The following JAM3 variants were observed in gnomAD, a reference collection of about 807,000 sequenced individuals.
The protein encoded by JAM3 is junctional adhesion molecule 3, also known as junctional adhesion molecule C.
JAM3 carries 31 observed loss-of-function variants against 39.4 expected under a neutral mutation model. That is an observed-to-expected ratio of 0.79 (90% confidence interval 0.59 to 1.06). The LOEUF is 1.06. JAM3 is among the 50% of genes least tolerant of loss of function. The probability of loss-of-function intolerance (pLI) is 0.00; values close to 1 mark genes in which losing one functional copy is unlikely to be tolerated. For synonymous variants in JAM3, 182 were observed against 148.7 expected (o/e 1.22, Z -1.63); for missense variants, 455 against 391.4 (o/e 1.16, Z -1.37).
chr11:134,123,827 C>G (rs1373628971), intron 1 of JAM3: 33 of 775,132 alleles, frequency 4.3e-5, no homozygotes, highest in Non-Finnish European at 1.4e-5. Context: ...TTTCTTTCTA[C>G]TGAACACAGC....
intron 1 of JAM3, chr11:134,126,286 C>T (rs1942647273): frequency 6.6e-6 from 1 of 152,216 alleles, no homozygotes; most frequent in Admixed American, 6.5e-5. Context: ...TGCTGAGGCT[C>T]TCTAAACAAA....
intron 1 of JAM3, among the ~76,000 whole-genome samples, chr11:134,094,923 A>G (rs567098967): frequency 6.6e-6 from 1 of 152,378 alleles, no homozygotes; most frequent in South Asian, 2.1e-4. Flanking sequence ...AAATGACTGA[A>G]TATATTAATA....
chr11:134,091,093 G>A (rs749136854), intron 1 of JAM3, among the ~76,000 whole-genome samples: 4 of 152,186 alleles, frequency 2.6e-5, no homozygotes, highest in Non-Finnish European at 5.9e-5. Context: ...CATTTGAAAT[G>A]TGATGGAACT....
intron 1 of JAM3, among the ~76,000 whole-genome samples, chr11:134,112,396 A>C (rs1942331068): frequency 6.6e-6 from 1 of 152,112 alleles, no homozygotes; most frequent in Non-Finnish European, 1.5e-5. Flanking sequence ...CCAGTCAATC[A>C]ATTTAAAATG....
At chr11:134,120,954 C>T (rs1160582147) in intron 1 of JAM3, among the ~76,000 whole-genome samples, 1 of 152,168 alleles carries the variant, frequency 6.6e-6, no homozygotes, top group African/African-American at 2.4e-5. Flanking sequence ...CAGAATAGTA[C>T]AGGAAAGCAG....
intron 1 of JAM3, among the ~76,000 whole-genome samples, chr11:134,134,415 A>C (rs952657930): frequency 4.6e-5 from 7 of 151,524 alleles, no homozygotes; most frequent in East Asian, 1.9e-4. Flanking sequence ...AAAAAAAAAA[A>C]AAAAAAACAT....
chr11:134,078,150 C>T lies in JAM3; in HGVS notation c.76+8991C>T, dbSNP rs937571506. Among the ~76,000 whole-genome samples the T allele has an allele frequency of 2.0e-5, 3 of 152,038 alleles. No individual in the cohort carries two copies. In the South Asian group the frequency reaches 6.3e-4, roughly 32 times the overall value. The stretch of plus-strand genomic sequence containing the variant: ...TTTGTTTGTTTTTAAGCTGGAGTCT[C>T]GCTCTGTTGCCCAGGCTGGAGGGCA... On this transcript the variant is annotated intron_variant, in intron 1 of 8. Transcript: ENST00000299106.
At chr11:134,144,135 C>T in intron 3 of JAM3, 106 bp from the exon 4 acceptor site, 1 of 1,036,612 alleles carries the variant, frequency 9.6e-7, no homozygotes, top group East Asian at 2.4e-5. Context: ...TATTGATCTG[C>T]AGGCTTCCTT....
At chr11:134,105,822 G>C (rs947932132) in intron 1 of JAM3, among the ~76,000 whole-genome samples, 17 of 152,058 alleles carry the variant, frequency 1.1e-4, no homozygotes, top group Admixed American at 3.9e-4. Context: ...AGGAGAACTA[G>C]AAACCACTGC....
At chr11:134,096,039 C>T (rs1941976049) in intron 1 of JAM3, among the ~76,000 whole-genome samples, 2 of 152,096 alleles carry the variant, frequency 1.3e-5, no homozygotes, top group Admixed American at 6.5e-5. Flanking sequence ...TGCAGTAGTG[C>T]GATCTTGGCC....
Position 134,149,272 on chromosome 11 carries a change from G to C in JAM3, c.*91G>C. The stretch of plus-strand genomic sequence containing the variant: ...AAGGCAGCGAGAGCTGATGCACTCG[G>C]ACAGAGCTAGACACTCATTCAGAAG... On this transcript the variant is annotated 3_prime_UTR_variant, in exon 9 of 9. Coordinates refer to ENST00000299106, the MANE Select transcript of JAM3 (RefSeq NM_032801.5). The C allele has an allele frequency of 7.0e-7, 1 of 1,436,068 alleles. No homozygotes were observed. Among genetic ancestry groups the C allele is most frequent in the Non-Finnish European group, 9.7e-7 (1 of 1,026,016 alleles). 89.0% of individuals were successfully genotyped at this position (1,436,068 alleles called of 1,614,324 possible).
chr11:134,101,347 CT>C (rs916023332), intron 1 of JAM3, among the ~76,000 whole-genome samples: 1 of 152,112 alleles, frequency 6.6e-6, no homozygotes, highest in African/African-American at 2.4e-5. Flanking sequence ...AGGAGGACAG[CT>C]ATTTAACTAT....
intron 1 of JAM3, among the ~76,000 whole-genome samples, chr11:134,107,895 A>G (rs1365204118): frequency 6.6e-6 from 1 of 152,096 alleles, no homozygotes; most frequent in Non-Finnish European, 1.5e-5. Context: ...AATAGGAAAA[A>G]AAATCAGAAA....
intron 1 of JAM3, among the ~76,000 whole-genome samples, chr11:134,099,117 C>G (rs907389721): frequency 1.4e-4 from 22 of 152,240 alleles, no homozygotes; most frequent in South Asian, 4.2e-4. Context: ...GGGAGGATTA[C>G]CTGAGCCTGG....
chr11:134,124,260 G>C (rs1942595900), intron 1 of JAM3: 2 of 1,051,288 alleles, frequency 1.9e-6, no homozygotes, highest in Admixed American at 3.4e-5. Flanking sequence ...AGTAGCACTG[G>C]TAGGGTTGTG....
At chr11:134,103,906 TAATG>T (rs755585976) in intron 1 of JAM3, among the ~76,000 whole-genome samples, 19 of 152,108 alleles carry the variant, frequency 1.2e-4, no homozygotes, top group Non-Finnish European at 2.8e-4. Flanking sequence ...CACACAATAA[TAATG>T]GGAGACTTTA....
chr11:134,083,770 C>T (rs1235652995), intron 1 of JAM3, among the ~76,000 whole-genome samples: 1 of 152,144 alleles, frequency 6.6e-6, no homozygotes, highest in Admixed American at 6.5e-5. Context: ...TTCTATACCT[C>T]CTCTGTAGTG....
At chr11:134,110,447 A>G (rs1416206391) in intron 1 of JAM3, among the ~76,000 whole-genome samples, 1 of 152,264 alleles carries the variant, frequency 6.6e-6, no homozygotes, top group East Asian at 1.9e-4. Flanking sequence ...TAAATGGAAT[A>G]TGACTATTCA....
intron 1 of JAM3, among the ~76,000 whole-genome samples, chr11:134,105,837 C>T (rs1046220620): frequency 6.6e-5 from 10 of 152,072 alleles, no homozygotes; most frequent in Admixed American, 1.3e-4. Context: ...CACTGCTCAA[C>T]GAAATAAAAG....
Sources: gnomAD v4.1 joint callset for allele counts (sites outside exome capture counted in the v4.1 genomes callset) on GRCh38, gnomAD v4.1.1 for gene constraint, MANE v1.5 for transcripts, NCBI Gene and HGNC (gene_info 2026-07-23, HGNC 2026-07-21) for gene names.